Variants in OGDH observed in about 807,000 individuals in gnomAD.
OGDH encodes oxoglutarate dehydrogenase.
OGDH carries 38 observed loss-of-function variants against 116.6 expected under a neutral mutation model. The observed-to-expected ratio is 0.33, with a 90% CI of 0.25 to 0.43. The LOEUF (loss-of-function observed/expected upper bound fraction) is 0.43, where lower values mean the gene tolerates loss of function less well. Ranked by LOEUF, OGDH falls within the 20% of genes least tolerant of loss-of-function variation. The pLI is 1.00. For missense variants in OGDH, 825 were observed against 1,357.2 expected (o/e 0.61, Z 6.16); for synonymous variants, 488 against 533.3 (o/e 0.92, Z 1.17).
At chr7:44,611,044 G>T (rs1189986628) in intron 1 of OGDH, among the ~76,000 whole-genome samples, 1 of 150,728 alleles carries the variant, frequency 6.6e-6, no homozygotes, top group Non-Finnish European at 1.5e-5. Flanking sequence ...CCAAATTCCT[G>T]AAGATTTTAT....
chr7:44,687,693 G>C (rs546194643), intron 10 of OGDH, among the ~76,000 whole-genome samples: 192 of 152,094 alleles, frequency 1.3e-3, no homozygotes, highest in African/African-American at 4.2e-3. Flanking sequence ...AAAGTGCTTG[G>C]GATTACAGGC....
chr7:44,619,319 G>A (rs1437939178), intron 1 of OGDH, among the ~76,000 whole-genome samples: 1 of 152,206 alleles, frequency 6.6e-6, no homozygotes, highest in African/African-American at 2.4e-5. Flanking sequence ...ATTGACATCG[G>A]AAGTAGGAGG....
chr7:44,692,443 C>T (rs1041218854), intron 10 of OGDH, among the ~76,000 whole-genome samples: 6 of 152,164 alleles, frequency 3.9e-5, no homozygotes, highest in African/African-American at 1.4e-4. Flanking sequence ...ATACTGTTTA[C>T]GGACATATGA....
chr7:44,612,177 C>G (rs1007861935), intron 1 of OGDH, among the ~76,000 whole-genome samples: 2 of 152,096 alleles, frequency 1.3e-5, no homozygotes, highest in Non-Finnish European at 2.9e-5. Context: ...CATTGAATTG[C>G]TTTTGCACTT....
chr7:44,698,566 C>G (rs370364760), intron 18 of OGDH, among the ~76,000 whole-genome samples: 1 of 152,102 alleles, frequency 6.6e-6, no homozygotes, highest in South Asian at 2.1e-4. Flanking sequence ...TGCTTCCAGA[C>G]CCTGATTCAG....
At chr7:44,680,890 G>A (rs1787903109) in intron 9 of OGDH, among the ~76,000 whole-genome samples, 1 of 152,164 alleles carries the variant, frequency 6.6e-6, no homozygotes, top group African/African-American at 2.4e-5. Flanking sequence ...CTATCAACCT[G>A]GAACAGTGTG....
chr7:44,634,118 G>GCCA (rs1463369193), intron 2 of OGDH, among the ~76,000 whole-genome samples: 1 of 152,226 alleles, frequency 6.6e-6, no homozygotes, highest in African/African-American at 2.4e-5. Flanking sequence ...CAGGCTAGAA[G>GCCA]CCATGAAGGC....
chr7:44,666,767 C>A lies in OGDH; in HGVS notation c.549C>A (p.Asp183Glu). ...ATGGCCTGGATGAGTCTGACCTCGA[C>A]AAGGTCTTCCACTTGCCCACCACCA... Reference protein sequence around the residue: ...GFYGLDESDLDKVFHLPTTTF... With the variant: ...GFYGLDESDLEKVFHLPTTTF... The change falls in exon 5 of 23, where the codon GAC (aspartate) becomes GAA (glutamate). Residue 183 changes from aspartate to glutamate, a missense_variant. Asp to Glu is a conservative substitution (Grantham distance 45). Transcript: ENST00000222673. The A allele has an allele frequency of 6.2e-7, 1 of 1,613,090 alleles. No individual in the cohort carries two copies. The highest frequency in any genetic ancestry group is 8.5e-7 in the Non-Finnish European group (1 of 1,179,552).
At chr7:44,679,919 C>T (rs1787857380) in intron 9 of OGDH, among the ~76,000 whole-genome samples, 3 of 152,132 alleles carry the variant, frequency 2.0e-5, no homozygotes, top group South Asian at 4.1e-4. Context: ...CTTAAAAACC[C>T]ATCTTTCTCG....
At position 44,705,051 on chromosome 7, in the gene OGDH, C is replaced by CTTTTTTTTTTTTTTT. The variant is rs777624714; in HGVS notation, c.2633-2169_2633-2155dup. On this transcript the variant is annotated intron_variant, in intron 20 of 22. Transcript: ENST00000222673. Reference sequence around the variant, plus strand: ...TTGATGTACAAAAGTTTTTAATTTTCTTTTTTTTTTTTTTTTTTTGAGACG... The same window carrying CTTTTTTTTTTTTTTT: ...TTGATGTACAAAAGTTTTTAATTTTCTTTTTTTTTTTTTTTTTTTTTTTTTTTTTTTTTTGAGACG... 2.9e-4 allele frequency among the ~76,000 whole-genome samples: 27 copies of CTTTTTTTTTTTTTTT among 93,920 alleles called. 3 individuals carry two copies. Among genetic ancestry groups the CTTTTTTTTTTTTTTT allele is most frequent in the African/African-American group, 1.4e-3 (24 of 17,068 alleles). 61.6% of individuals were successfully genotyped at this position (93,920 alleles called of 152,430 possible).
chr7:44,633,733 C>T (rs989506951), intron 2 of OGDH, among the ~76,000 whole-genome samples: 4 of 152,174 alleles, frequency 2.6e-5, no homozygotes, highest in Non-Finnish European at 5.9e-5. Context: ...GGGGTTCCCC[C>T]AAATAGGGTT....
intron 20 of OGDH, 40 bp downstream of exon 20, chr7:44,701,655 A>C (rs1162415721): frequency 1.3e-6 from 2 of 1,562,208 alleles, no homozygotes; most frequent in Non-Finnish European, 1.8e-6. Context: ...GGGGGAAGCT[A>C]TGTTTGGGGC....
chr7:44,631,660 C>T (rs559650837), intron 2 of OGDH, among the ~76,000 whole-genome samples: 3 of 152,346 alleles, frequency 2.0e-5, no homozygotes, highest in African/African-American at 7.2e-5. Flanking sequence ...GCAACACCCT[C>T]ACTTGTGTGG....
At chr7:44,614,129 T>C (rs1193774481) in intron 1 of OGDH, among the ~76,000 whole-genome samples, 4 of 151,932 alleles carry the variant, frequency 2.6e-5, no homozygotes, top group Non-Finnish European at 5.9e-5. Flanking sequence ...AAAATTTTTA[T>C]TTTTTGTAGA....
At position 44,707,247 on chromosome 7, in the gene OGDH, C is replaced by G. The variant is rs1353926725; in HGVS notation, c.2655C>G (p.Ile885Met). The G allele has an allele frequency of 1.2e-6, 2 of 1,614,214 alleles. No homozygotes were observed. The highest frequency in any genetic ancestry group is 1.7e-6 in the Non-Finnish European group (2 of 1,180,028). ...MLPGTHFQRV[I>M]PEDGPAAQNP... ...TAGGAACCCACTTCCAGCGGGTGATCCCAGAAGATGGCCCTGCAGCTCAGA... is the reference window on the plus strand; with the variant it reads ...TAGGAACCCACTTCCAGCGGGTGATGCCAGAAGATGGCCCTGCAGCTCAGA... The change falls in exon 21 of 23, where the codon ATC becomes ATG. Residue 885 changes from isoleucine to methionine, a missense_variant. By Grantham distance (10) the Ile-to-Met change is conservative. Coordinates refer to ENST00000222673, the MANE Select transcript of OGDH (RefSeq NM_002541.4). The surrounding 1 kb of genome is among the most constrained non-coding windows in gnomAD (Gnocchi z 5.2).
At position 44,697,855 on chromosome 7, in the gene OGDH, T is replaced by G; in HGVS notation, c.2358+73T>G. ...TGTGTAGGACCCTGACCCCAAAGACTGGCACGAGAGCCAGTGGCTCACACC... is the reference window on the plus strand; with the variant it reads ...TGTGTAGGACCCTGACCCCAAAGACGGGCACGAGAGCCAGTGGCTCACACC... On this transcript the variant is annotated intron_variant, in intron 17 of 22. Transcript: ENST00000222673. The surrounding 1 kb of genome is among the most constrained non-coding windows in gnomAD (Gnocchi z 6.0). The G allele has an allele frequency of 6.6e-7, 1 of 1,511,896 alleles. No individual in the cohort carries two copies. The highest frequency in any genetic ancestry group is 2.2e-5 in the Admixed American group (1 of 46,134). 93.7% of individuals were successfully genotyped at this position (1,511,896 alleles called of 1,614,324 possible).
At chr7:44,672,723 A>G (rs1280019822) in intron 5 of OGDH, among the ~76,000 whole-genome samples, 2 of 149,124 alleles carry the variant, frequency 1.3e-5, no homozygotes, top group African/African-American at 2.5e-5. Flanking sequence ...GCTCACTGCA[A>G]CCTCCGCCTC....
At chr7:44,617,316 G>T (rs1396934650) in intron 1 of OGDH, among the ~76,000 whole-genome samples, 1 of 152,048 alleles carries the variant, frequency 6.6e-6, no homozygotes, top group Non-Finnish European at 1.5e-5. Flanking sequence ...TTATGAGGGG[G>T]TTAGGAGTAA....
rs1340157825 is a variant in OGDH, at chr7:44,696,566, C to T, written c.1900+9C>T. On this transcript the variant is annotated intron_variant, in intron 14 of 22. Transcript: ENST00000222673. ...CTTTACTATTCATGGAGGTAACACG[C>T]TCTGTGCTGACCTGTGGAAATGTTG... 6.2e-7 allele frequency: 1 copy of T among 1,614,116 alleles called. No homozygotes were observed. The highest frequency in any genetic ancestry group is 1.7e-5 in the Admixed American group (1 of 60,024).
Sources: gnomAD v4.1 joint callset for allele counts (sites outside exome capture counted in the v4.1 genomes callset) on GRCh38, gnomAD v4.1.1 for gene constraint, Gnocchi (gnomAD v3.1) non-coding constraint, MANE v1.5 for transcripts, NCBI Gene and HGNC (gene_info 2026-07-23, HGNC 2026-07-21) for gene names.